The following ASXL1 variants were observed in gnomAD, a reference collection of about 807,000 sequenced individuals.
The protein encoded by ASXL1 is ASXL transcriptional regulator 1.
Under a neutral mutation model 89.1 loss-of-function variants are expected in ASXL1, and 65 were observed. The observed-to-expected ratio is 0.73, with a 90% CI of 0.60 to 0.90. The LOEUF is 0.90. Ranked by LOEUF, ASXL1 falls within the 40% of genes least tolerant of loss-of-function variation. The pLI is 0.00. For missense variants in ASXL1, 1,786 were observed against 1,942.9 expected (o/e 0.92, Z 1.52); for synonymous variants, 739 against 746.9 (o/e 0.99, Z 0.17).
At chr20:32,381,500 C>T (rs1048714619) in intron 4 of ASXL1, among the ~76,000 whole-genome samples, 2 of 151,432 alleles carry the variant, frequency 1.3e-5, no homozygotes, top group African/African-American at 4.9e-5. Context: ...CTGGTCCAGC[C>T]TCTTACCAAA....
At chr20:32,421,361 A>G (rs1033506348) in intron 4 of ASXL1, among the ~76,000 whole-genome samples, 2 of 152,292 alleles carry the variant, frequency 1.3e-5, no homozygotes, top group Non-Finnish European at 2.9e-5. Flanking sequence ...AGGTACCATT[A>G]TACTCCCACT....
chr20:32,431,577 T>C lies in ASXL1; in HGVS notation c.883-6T>C. On this transcript the variant is annotated splice_region_variant and splice_polypyrimidine_tract_variant and intron_variant, in intron 9 of 12. Transcript: ENST00000375687. ...TTAGGATTTTTTTCCCCCTTGATCC[T>C]TCTAGGTGGGGACGGATGGCCTGTT... 5 of 1,614,188 alleles carry C rather than the reference T, an allele frequency of 3.1e-6. No individual in the cohort carries two copies. The highest frequency in any genetic ancestry group is 4.2e-6 in the Non-Finnish European group (5 of 1,180,018).
chr20:32,395,018 A>G (rs2048737575), intron 4 of ASXL1, among the ~76,000 whole-genome samples: 1 of 152,158 alleles, frequency 6.6e-6, no homozygotes, highest in South Asian at 2.1e-4. Context: ...CTGGCCTAAA[A>G]AGATTTTAAA....
At chr20:32,407,497 C>T (rs982872887) in intron 4 of ASXL1, among the ~76,000 whole-genome samples, 2 of 152,180 alleles carry the variant, frequency 1.3e-5, no homozygotes, top group Non-Finnish European at 2.9e-5. Flanking sequence ...GGGTCTTCCT[C>T]TGTCACCCAC....
chr20:32,399,078 C>T lies in ASXL1; in HGVS notation c.253-29050C>T, dbSNP rs143058168. On this transcript the variant is annotated intron_variant, in intron 4 of 12. Transcript: ENST00000375687. ...TACAAAAATTAGTCAGGCATGGTGG[C>T]GGGTACCTTGTAATCCCAGCTACTT... is the stretch of plus-strand genomic sequence containing the variant. Among the ~76,000 whole-genome samples the T allele has an allele frequency of 1.3e-3, 204 of 151,864 alleles. 1 individual carries two copies. The East Asian group carries it at 0.02, about 15-fold the overall frequency.
intron 3 of ASXL1, among the ~76,000 whole-genome samples, chr20:32,368,439 T>C (rs545608891): frequency 3.3e-5 from 5 of 152,216 alleles, no homozygotes; most frequent in Non-Finnish European, 5.9e-5. Flanking sequence ...TAATTGTTCC[T>C]GGGTAGATAC....
intron 4 of ASXL1, among the ~76,000 whole-genome samples, chr20:32,371,368 C>G (rs2048298276): frequency 6.6e-6 from 1 of 152,126 alleles, no homozygotes; most frequent in Non-Finnish European, 1.5e-5. Flanking sequence ...TCACTGCAGC[C>G]TTGACCTACT....
rs370377167 is a variant in ASXL1, at chr20:32,436,795, T to C, written c.4083T>C (p.His1361=). 10 of 1,614,108 alleles carry C rather than the reference T, an allele frequency of 6.2e-6. No homozygotes were observed. Among genetic ancestry groups the C allele is most frequent in the East Asian group, 2.2e-5 (1 of 44,900 alleles). ...GGGAAGACTGGGCTCCAAAGCCACA[T>C]GCCTTTGTTGGCAGCGTCAAGAATG... ...TPREDWAPKP[H]AFVGSVKNEK... The change falls in exon 13 of 13, where the codon CAT becomes CAC. Residue 1361 remains histidine (H), a synonymous_variant. Transcript: ENST00000375687.
Position 32,435,648 on chromosome 20 carries a change from A to G in ASXL1, c.2936A>G (p.Asp979Gly). ...AATGGCAGTTACTGTCAACAGGTGGACATTGAAAAGCTGAAAATCAACGGA... is the reference window on the plus strand; with the variant it reads ...AATGGCAGTTACTGTCAACAGGTGGGCATTGAAAAGCTGAAAATCAACGGA... ...DSNGSYCQQVDIEKLKINGDS... is the reference protein window; with the variant it reads ...DSNGSYCQQVGIEKLKINGDS... The change falls in exon 13 of 13, where the codon GAC becomes GGC. Residue 979 changes from aspartate (D) to glycine (G), a missense_variant. By Grantham distance (94) the Asp-to-Gly change is moderately conservative. Transcript: ENST00000375687. 2 of 1,614,166 alleles carry G rather than the reference A, an allele frequency of 1.2e-6. No individual in the cohort carries two copies. Among genetic ancestry groups the G allele is most frequent in the Non-Finnish European group, 1.7e-6 (2 of 1,180,034 alleles).
chr20:32,368,254 C>G (rs2048238947), intron 3 of ASXL1, among the ~76,000 whole-genome samples: 1 of 152,072 alleles, frequency 6.6e-6, no homozygotes, highest in Admixed American at 6.6e-5. Context: ...TTTTTGGTAG[C>G]TTTTCTATTT....
chr20:32,433,867 A>G lies in ASXL1; in HGVS notation c.1669A>G (p.Thr557Ala), dbSNP rs1185741428. 1.9e-6 allele frequency: 3 copies of G among 1,613,784 alleles called. No individual in the cohort carries two copies. The highest frequency in any genetic ancestry group is 3.3e-5 in the Admixed American group (2 of 59,998). The change falls in exon 12 of 13, where the codon ACC becomes GCC. Residue 557 changes from threonine to alanine, a missense_variant. By Grantham distance (58) the Thr-to-Ala change is moderately conservative. This residue lies in a region of ASXL1 where 1,418 missense variants were observed against 1,427.8 expected (regional missense o/e 0.99). Coordinates refer to ENST00000375687, the MANE Select transcript of ASXL1 (RefSeq NM_015338.6). The part of the protein sequence containing the change: ...SFRNTIESVH[T>A]EKPQPTKEEP... Reference sequence around the variant, plus strand: ...TCGTAACACAATTGAAAGTGTTCACACCGAAAAGCCACAGCCCACTAAAGA... The same window carrying G: ...TCGTAACACAATTGAAAGTGTTCACGCCGAAAAGCCACAGCCCACTAAAGA...
chr20:32,398,024 C>G (rs773040571), intron 4 of ASXL1, among the ~76,000 whole-genome samples: 6 of 152,116 alleles, frequency 3.9e-5, no homozygotes, highest in Non-Finnish European at 8.8e-5. Context: ...ACGTATAGAT[C>G]GGTTCGTTTG....
intron 4 of ASXL1, among the ~76,000 whole-genome samples, chr20:32,425,925 G>C (rs1367605816): frequency 1.3e-5 from 2 of 152,184 alleles, no homozygotes; most frequent in Non-Finnish European, 2.9e-5. Context: ...GGCTTGTCTT[G>C]AACCCCTGAC....
Position 32,431,922 on chromosome 20 carries a change from T to C in ASXL1, c.979+243T>C, listed in dbSNP as rs6141720. Among the ~76,000 whole-genome samples the C allele has an allele frequency of 0.35, 53,432 of 152,086 alleles. 10,477 individuals are homozygous for C. The highest frequency in any genetic ancestry group is 0.74 in the East Asian group (3,830 of 5,182). On this transcript the variant is annotated intron_variant, in intron 10 of 12. Transcript: ENST00000375687. The stretch of plus-strand genomic sequence containing the variant: ...TATGTACTCATTCATCATCTCCTTT[T>C]TATCATTAAAACTATAAACACCTAT...
intron 4 of ASXL1, among the ~76,000 whole-genome samples, chr20:32,405,828 A>G (rs947801168): frequency 1.3e-5 from 2 of 151,462 alleles, no homozygotes; most frequent in Admixed American, 1.3e-4. Flanking sequence ...GTTTTTTCCT[A>G]TTATTGATTA....
intron 4 of ASXL1, among the ~76,000 whole-genome samples, chr20:32,394,727 T>C (rs531472666): frequency 6.6e-6 from 1 of 152,274 alleles, no homozygotes; most frequent in Admixed American, 6.5e-5. Context: ...AATTTTTTTT[T>C]TTTTGAGACG....
intron 4 of ASXL1, among the ~76,000 whole-genome samples, chr20:32,408,965 A>T (rs1009278099): frequency 6.6e-5 from 10 of 151,250 alleles, no homozygotes. Flanking sequence ...TTATTTTTTT[A>T]ATTTTTTAAA....
In ASXL1 at chr20:32,436,035, T is replaced by C. The variant is rs1454365420; in HGVS notation, c.3323T>C (p.Val1108Ala). Residue 1108 changes from valine (V) to alanine (A), a missense_variant, in exon 13 of 13, where the codon GTG (valine) becomes GCG (alanine). By Grantham distance (64) the Val-to-Ala change is moderately conservative. Transcript: ENST00000375687. ...TCAGTGGAGGCCACTAACCCACTTGTGATGCAGTTGCTGCAGGGTAGCTTG... is the reference window on the plus strand; with the variant it reads ...TCAGTGGAGGCCACTAACCCACTTGCGATGCAGTTGCTGCAGGGTAGCTTG... ...GSSVEATNPL[V>A]MQLLQGSLPL... The C allele has an allele frequency of 6.2e-7, 1 of 1,614,034 alleles. No homozygotes were observed. Among genetic ancestry groups the C allele is most frequent in the East Asian group, 2.2e-5 (1 of 44,898 alleles).
rs755203412 is a variant in ASXL1, at chr20:32,428,326, A to G, written c.375A>G (p.Val125=). The part of the protein sequence containing the change: ...EASTVSGEND[V]SLDETSSNAS... ...AACCTTTATTTTCCTCTCTTCCAGT[A>G]TCTCTTGATGAAACATCTTCGAACG... Residue 125 remains valine (V), a splice_region_variant and synonymous_variant, in exon 6 of 13, where the codon GTA becomes GTG. Transcript: ENST00000375687. The G allele has an allele frequency of 8.1e-5, 130 of 1,614,084 alleles. No homozygotes were observed. The highest frequency in any genetic ancestry group is 1.0e-4 in the Non-Finnish European group (123 of 1,180,040).
Sources: allele counts gnomAD v4.1 joint callset (sites outside exome capture counted in the v4.1 genomes callset), GRCh38; gene constraint gnomAD v4.1.1; regional missense constraint gnomAD v4.1.1; transcripts MANE v1.5; gene names NCBI Gene and HGNC (gene_info 2026-07-23, HGNC 2026-07-21).